MYH7B: variants seen among roughly 807,000 people sequenced by gnomAD.
MYH7B encodes the protein myosin-7B.
MYH7B carries 205 observed loss-of-function variants against 234.5 expected under a neutral mutation model. The ratio of observed to expected loss-of-function variants is 0.87; its 90% CI spans 0.78 to 0.98. MYH7B has a LOEUF of 0.98. Ranked by LOEUF, MYH7B falls within the 50% of genes least tolerant of loss-of-function variation. The pLI is 0.00. For synonymous variants in MYH7B, 1,193 were observed against 1,105.0 expected, an observed-to-expected ratio of 1.08 and a Z score of -1.58; for missense variants, 2,652 against 2,633.4, an observed-to-expected ratio of 1.01 and a Z score of -0.15.
At chr20:34,971,558 G>T (rs1316170599) in intron 2 of MYH7B, among the ~76,000 whole-genome samples, 2 of 152,172 alleles carry the variant, frequency 1.3e-5, no homozygotes, top group African/African-American at 2.4e-5. Context: ...CCCAGGAGGG[G>T]TACAAACCTG....
intron 19 of MYH7B, among the ~76,000 whole-genome samples, chr20:34,988,496 T>G (rs1466572622): frequency 6.6e-6 from 1 of 151,970 alleles, no homozygotes; most frequent in Non-Finnish European, 1.5e-5. Context: ...CCTTGGTGAG[T>G]GTGTGAGCAG....
chr20:34,973,438 T>C (rs552934746), intron 2 of MYH7B, among the ~76,000 whole-genome samples: 4 of 152,172 alleles, frequency 2.6e-5, no homozygotes, highest in Non-Finnish European at 4.4e-5. Context: ...ATTCCAGGCA[T>C]TGGGTTACAT....
intron 2 of MYH7B, among the ~76,000 whole-genome samples, chr20:34,958,529 G>A (rs543854696): frequency 6.6e-6 from 1 of 152,032 alleles, no homozygotes; most frequent in African/African-American, 2.4e-5. Flanking sequence ...GCAGTGGTGC[G>A]ATCTTGGCTC....
intron 2 of MYH7B, among the ~76,000 whole-genome samples, 89 bp downstream of exon 2, chr20:34,958,301 G>A (rs2081660394): frequency 6.6e-6 from 1 of 152,176 alleles, no homozygotes; most frequent in African/African-American, 2.4e-5. Flanking sequence ...TTTGTGGTAG[G>A]ACTGGGAGTG....
rs2081913463 is a variant in MYH7B, at chr20:34,979,775, C to T, written c.313C>T (p.Arg105Cys). 2 of 1,614,042 alleles carry T rather than the reference C, an allele frequency of 1.2e-6. No homozygotes were observed. Among genetic ancestry groups the T allele is most frequent in the South Asian group, 1.1e-5 (1 of 91,092 alleles). ...CGAGGCCTCTGTGCTGCACAACCTG[C>T]GCCAGCGCTATGCCCGCTGGATGAT... The change falls in exon 7 of 45, where the codon CGC (arginine) becomes TGC (cysteine). Residue 105 changes from arginine to cysteine, a missense_variant. By Grantham distance (180) the Arg-to-Cys change is radical. This residue lies in a region of MYH7B where 366 missense variants were observed against 401.2 expected (regional missense o/e 0.91). Transcript: ENST00000262873.
chr20:34,977,569 A>T, intron 3 of MYH7B, 63 bp from the exon 4 acceptor site: 1 of 1,512,522 alleles, frequency 6.6e-7, no homozygotes, highest in Non-Finnish European at 9.0e-7. Flanking sequence ...TCCTGTGGCC[A>T]GGCTGGGGGG....
chr20:35,002,349 T>C (rs2082410303), exon 45 of MYH7B: 2 of 787,572 alleles, frequency 2.5e-6, no homozygotes, highest in Non-Finnish European at 1.9e-6. Flanking sequence ...ATTCTTTTCT[T>C]TGGGGTTCAG....
chr20:34,988,455 A>AGTGGGTGT (rs2082076272), intron 19 of MYH7B, among the ~76,000 whole-genome samples, 193 bp downstream of exon 19: 1 of 152,002 alleles, frequency 6.6e-6, no homozygotes, highest in South Asian at 2.1e-4. Context: ...CACGTGTGTG[A>AGTGGGTGT]GTGGGTGTGT....
intron 7 of MYH7B, 173 bp downstream of exon 7, chr20:34,979,977 G>A: frequency 1.4e-6 from 1 of 719,894 alleles, no homozygotes; most frequent in South Asian, 1.8e-5. Flanking sequence ...CGATGAGGCG[G>A]GGCTCTGAGC....
exon 29 of MYH7B, chr20:34,996,513 G>A (rs1330520453): frequency 6.2e-7 from 1 of 1,610,622 alleles, no homozygotes; most frequent in Admixed American, 1.7e-5. Context: ...TGGAGCAACA[G>A]GTGGAGGACG....
chr20:34,990,702 C>G (rs146983692), intron 22 of MYH7B, 36 bp from the exon 23 acceptor site: 27 of 1,602,048 alleles, frequency 1.7e-5, no homozygotes, highest in South Asian at 6.6e-5. Flanking sequence ...TTCTCTGCCC[C>G]CTTTGTGCCT....
intron 2 of MYH7B, among the ~76,000 whole-genome samples, chr20:34,968,780 T>C (rs1357272517): frequency 6.6e-6 from 1 of 152,134 alleles, no homozygotes; most frequent in Non-Finnish European, 1.5e-5. Context: ...GCCCTTACAC[T>C]GCGGCAGCCT....
rs552923340 is a variant in MYH7B, at chr20:34,984,831, C to A, written c.649-23C>A. On this transcript the variant is annotated intron_variant, in intron 11 of 44. Coordinates refer to ENST00000262873, the Ensembl canonical transcript of MYH7B. The stretch of plus-strand genomic sequence containing the variant: ...GTGGGTAGGCACCAGAACTGACAGA[C>A]CCCCTCACCCCCACCGCCCCAGGGC... The A allele has an allele frequency of 3.1e-6, 5 of 1,605,036 alleles. No homozygotes were observed. In the African/African-American group the frequency reaches 5.4e-5, roughly 17 times the overall value.
At chr20:34,971,480 C>T (rs563442213) in intron 2 of MYH7B, among the ~76,000 whole-genome samples, 1 of 152,180 alleles carries the variant, frequency 6.6e-6, no homozygotes, top group South Asian at 2.1e-4. Context: ...TTTGGCTGCC[C>T]TCGTCCTATT....
intron 23 of MYH7B, 52 bp from the exon 24 acceptor site, chr20:34,990,952 G>C: frequency 6.4e-7 from 1 of 1,572,314 alleles, no homozygotes; most frequent in Non-Finnish European, 8.7e-7. Context: ...TTTTTCTCTG[G>C]GGCCTGCGGG....
chr20:34,990,385 CCT>C lies in MYH7B; in HGVS notation c.1977+76_1977+77del, dbSNP rs765588222. The stretch of plus-strand genomic sequence containing the variant: ...CCGTCCTTCACCCCCTGCCCTGTCC[CCT>C]GTGCCTTGGGCGGGCGGCTGTTAAG... On this transcript the variant is annotated intron_variant, in intron 22 of 44. Transcript: ENST00000262873. 1,047 of 1,529,386 alleles carry C rather than the reference CCT, an allele frequency of 6.8e-4. 1 individual carries two copies. Among genetic ancestry groups the C allele is most frequent in the Non-Finnish European group, 9.0e-4 (991 of 1,103,020 alleles). The allele number at this position is 1,529,386 out of a possible 1,614,324, so 94.7% of individuals were successfully genotyped here. A position where few individuals can be genotyped will look rare whatever the true frequency, so the allele number is the denominator to read the frequency against.
exon 40 of MYH7B, chr20:35,000,824 C>T (rs377360001): frequency 1.7e-5 from 28 of 1,613,488 alleles, no homozygotes; most frequent in South Asian, 9.9e-5. Context: ...CCCAGCTGAG[C>T]GGGGAGGTGG....
In MYH7B at chr20:34,996,324, TCTGGCC is replaced by T. The variant is rs756330883; in HGVS notation, c.2944-10_2944-5del. 36 of 1,562,772 alleles carry T rather than the reference TCTGGCC, an allele frequency of 2.3e-5. No homozygotes were observed. Among genetic ancestry groups the T allele is most frequent in the Non-Finnish European group, 2.9e-5 (33 of 1,154,600 alleles). On this transcript the variant is annotated splice_polypyrimidine_tract_variant and intron_variant, in intron 28 of 44. Coordinates refer to ENST00000262873, the Ensembl canonical transcript of MYH7B. ...AGAGTGCGGGGAAGGGCGTCCCCAT[TCTGGCC>T]CTGGCCCTGGCACAGGTGAAGAACC...
At position 35,001,104 on chromosome 20, in the gene MYH7B, A is replaced by G. The variant is rs774489499; in HGVS notation, c.5421A>G (p.Ala1807=). 6.8e-6 allele frequency: 11 copies of G among 1,613,786 alleles called. No homozygotes were observed. In the African/African-American group the frequency reaches 1.3e-4, roughly 20 times the overall value. ...AGCTCCAGGCCCGCCTTGAGGAGGC[A>G]GAACAGGCCGCCCTCCGTGGCGGGA... Residue 1807 remains alanine (A), a synonymous_variant, in exon 41 of 45, where the codon GCA becomes GCG. Coordinates refer to ENST00000262873, the Ensembl canonical transcript of MYH7B.
Sources: gnomAD v4.1 joint callset for allele counts (sites outside exome capture counted in the v4.1 genomes callset) on GRCh38, gnomAD v4.1.1 for gene constraint, gnomAD v4.1.1 regional missense constraint, MANE v1.5 for transcripts, NCBI Gene and HGNC (gene_info 2026-07-23, HGNC 2026-07-21) for gene names.